Variants in PCDH11X observed in about 807,000 individuals in gnomAD.
PCDH11X encodes protocadherin-11 X-linked.
In PCDH11X, 18 loss-of-function variants were observed where a neutral mutation model predicts 53.3. The ratio of observed to expected loss-of-function variants is 0.34; its 90% confidence interval spans 0.23 to 0.50. The LOEUF is 0.50. PCDH11X is among the 20% of genes least tolerant of loss of function. The pLI is 0.98. For missense variants in PCDH11X, 570 were observed against 1,032.4 expected (o/e 0.55, Z 6.14); for synonymous variants, 279 against 393.3 (o/e 0.71, Z 3.44).
At chrX:92,290,681 G>T (rs2068472963) in intron 8 of PCDH11X, among the ~76,000 whole-genome samples, 2 of 108,589 alleles carry the variant, frequency 1.8e-5, no homozygotes, top group Admixed American at 2.0e-4. Flanking sequence ...TTTCAAACTA[G>T]ATAAATAAAC....
At chrX:91,847,886 G>T (rs1272324477) in intron 5 of PCDH11X, among the ~76,000 whole-genome samples, 1 of 112,146 alleles carries the variant, frequency 8.9e-6, no homozygotes, top group Non-Finnish European at 1.9e-5. Flanking sequence ...TTGGACATAA[G>T]ATTTCTATTT....
intron 9 of PCDH11X, among the ~76,000 whole-genome samples, chrX:92,390,008 A>G (rs1354414361): frequency 9.0e-6 from 1 of 110,544 alleles, no homozygotes; most frequent in African/African-American, 3.3e-5. Context: ...TTATTTTAAA[A>G]TCTAGATGTC....
chrX:92,187,448 C>T (rs1435780943), intron 6 of PCDH11X, among the ~76,000 whole-genome samples: 1 of 111,447 alleles, frequency 9.0e-6, no homozygotes, highest in Non-Finnish European at 1.9e-5. Flanking sequence ...ATTTAATATA[C>T]TCACAAAATT....
At chrX:92,245,665 A>C (rs1345661762) in intron 7 of PCDH11X, among the ~76,000 whole-genome samples, 2 of 111,791 alleles carry the variant, frequency 1.8e-5, no homozygotes, top group South Asian at 7.4e-4. Context: ...GGAGACAAAA[A>C]TTTATCCTAA....
chrX:91,839,830 A>C (rs1937455685), intron 5 of PCDH11X, among the ~76,000 whole-genome samples: 3 of 111,418 alleles, frequency 2.7e-5, no homozygotes, highest in African/African-American at 9.8e-5. Flanking sequence ...CTTAAAAAAG[A>C]ATCCAGATTT....
intron 7 of PCDH11X, among the ~76,000 whole-genome samples, chrX:92,238,681 T>C (rs2067212163): frequency 8.9e-6 from 1 of 111,900 alleles, no homozygotes; most frequent in African/African-American, 3.2e-5. Flanking sequence ...TATGGCTGTC[T>C]AGACTGGCAA....
intron 6 of PCDH11X, among the ~76,000 whole-genome samples, chrX:92,131,898 A>T (rs2064978124): frequency 9.2e-6 from 1 of 108,140 alleles, no homozygotes; most frequent in African/African-American, 3.4e-5. Flanking sequence ...AAGGCCTAGG[A>T]AAGGCCTAGG....
chrX:92,148,614 T>C (rs902954603), intron 6 of PCDH11X, among the ~76,000 whole-genome samples: 2 of 109,009 alleles, frequency 1.8e-5, no homozygotes, highest in Non-Finnish European at 3.8e-5. Flanking sequence ...CGTAGGCACA[T>C]CTAGGCTTAC....
intron 6 of PCDH11X, among the ~76,000 whole-genome samples, chrX:91,890,969 A>G (rs1472052771): frequency 9.6e-6 from 1 of 104,060 alleles, no homozygotes; most frequent in Non-Finnish European, 1.9e-5. Context: ...AGATTGGGCA[A>G]TGTATACAGT....
At chrX:92,608,648 G>A (rs1927057211) in intron 10 of PCDH11X, among the ~76,000 whole-genome samples, 2 of 109,885 alleles carry the variant, frequency 1.8e-5, no homozygotes, top group South Asian at 7.7e-4. Context: ...TATTTAATTT[G>A]ATTAGGATAT....
intron 6 of PCDH11X, among the ~76,000 whole-genome samples, chrX:92,021,786 C>G (rs1048297301): frequency 3.7e-5 from 4 of 108,408 alleles, no homozygotes; most frequent in Non-Finnish European, 5.7e-5. Context: ...GCCAAGTCAC[C>G]TACAAAGGGA....
chrX:92,566,881 G>A (rs1921538680), intron 10 of PCDH11X, among the ~76,000 whole-genome samples: 5 of 109,692 alleles, frequency 4.6e-5, no homozygotes, highest in South Asian at 7.9e-4. Context: ...TTTGTTAAAC[G>A]ACTAGAATTA....
At chrX:92,586,316 C>T (rs1924377888) in intron 10 of PCDH11X, among the ~76,000 whole-genome samples, 1 of 110,211 alleles carries the variant, frequency 9.1e-6, no homozygotes, top group Non-Finnish European at 1.9e-5. Flanking sequence ...AATTGCAATC[C>T]TAAACTAGTA....
intron 8 of PCDH11X, among the ~76,000 whole-genome samples, chrX:92,303,415 G>A (rs921450133): frequency 9.0e-6 from 1 of 110,955 alleles, no homozygotes; most frequent in Non-Finnish European, 1.9e-5. Flanking sequence ...TACCAAATTC[G>A]AAAATTCAGT....
chrX:92,227,790 T>C (rs937986393), intron 7 of PCDH11X, among the ~76,000 whole-genome samples: 1 of 111,253 alleles, frequency 9.0e-6, no homozygotes, highest in Non-Finnish European at 1.9e-5. Context: ...ATTGAAAAAT[T>C]CTGCAAACCA....
At chrX:92,405,828 C>T (rs1335259164) in intron 9 of PCDH11X, among the ~76,000 whole-genome samples, 3 of 111,403 alleles carry the variant, frequency 2.7e-5, no homozygotes, top group African/African-American at 9.8e-5. Flanking sequence ...GGCGCAGTGG[C>T]TCACGCCTGT....
intron 10 of PCDH11X, among the ~76,000 whole-genome samples, chrX:92,548,380 A>G (rs1569503364): frequency 2.7e-5 from 3 of 111,079 alleles, no homozygotes; most frequent in African/African-American, 9.8e-5. Flanking sequence ...TATGTTGCTC[A>G]GGCTGATCTC....
intron 8 of PCDH11X, among the ~76,000 whole-genome samples, chrX:92,267,733 A>C (rs185893491): frequency 8.9e-6 from 1 of 112,465 alleles, no homozygotes; most frequent in Admixed American, 9.4e-5. Flanking sequence ...ACAGAATACC[A>C]CAGACTGTGT....
intron 7 of PCDH11X, among the ~76,000 whole-genome samples, chrX:92,217,486 T>C (rs1487635695): frequency 2.0e-5 from 2 of 98,628 alleles, no homozygotes; most frequent in African/African-American, 7.4e-5. Context: ...AGGGATCAAT[T>C]CAACAAGAAG....
Sources: gnomAD v4.1 joint callset for allele counts (sites outside exome capture counted in the v4.1 genomes callset) on GRCh38, gnomAD v4.1.1 for gene constraint, MANE v1.5 for transcripts, NCBI Gene and HGNC (gene_info 2026-07-23, HGNC 2026-07-21) for gene names.